Variants in LRRC37A2 observed in about 807,000 individuals in gnomAD.
LRRC37A2 encodes the protein leucine-rich repeat-containing protein 37A2.
LRRC37A2 carries 9 observed loss-of-function variants against 68.8 expected under a neutral mutation model. The ratio of observed to expected loss-of-function variants is 0.13; its 90% CI spans 0.08 to 0.23. LRRC37A2 has a LOEUF of 0.23. Among genes scored for constraint, LRRC37A2 ranks in the 10% least tolerant of loss-of-function variants. The pLI is 1.00. For missense variants in LRRC37A2, 168 were observed against 950.4 expected (o/e 0.18, Z 10.82); for synonymous variants, 63 against 367.6 (o/e 0.17, Z 9.48).
At chr17:46,863,006 T>C in the LRRC37A2 span, among the ~76,000 whole-genome samples, 2 of 152,210 alleles carry the variant, frequency 1.3e-5, no homozygotes, top group Non-Finnish European at 2.9e-5. Context: ...CGGGCCTGGC[T>C]CTCAGACCCC....
At chr17:46,931,752 T>C in the LRRC37A2 span, 17 of 438,924 alleles carry the variant, frequency 3.9e-5, no homozygotes, top group Admixed American at 5.5e-4. Flanking sequence ...AGCCATATAA[T>C]CCATAGAAGG....
At chr17:46,865,356 G>C in the LRRC37A2 span, among the ~76,000 whole-genome samples, 1 of 152,170 alleles carries the variant, frequency 6.6e-6, no homozygotes, top group Non-Finnish European at 1.5e-5. Flanking sequence ...GTGGGGCTGT[G>C]CTTGGAGAGA....
chr17:46,978,305 CA>C, the LRRC37A2 span: 1 of 341,858 alleles, frequency 2.9e-6, no homozygotes, highest in Non-Finnish European at 5.3e-6. Flanking sequence ...AACGTACACA[CA>C]AAACTCCCAC....
chr17:46,802,136 A>T, the LRRC37A2 span, among the ~76,000 whole-genome samples: 1 of 152,220 alleles, frequency 6.6e-6, no homozygotes, highest in Non-Finnish European at 1.5e-5. Context: ...TAAAATCCTT[A>T]GAAACTCCAA....
At chr17:46,722,228 C>A in the LRRC37A2 span, 1 of 1,352,742 alleles carries the variant, frequency 7.4e-7, no homozygotes, top group African/African-American at 1.4e-5. Context: ...CTCGCGAGAG[C>A]ACGTCAAAAT....
the LRRC37A2 span, among the ~76,000 whole-genome samples, chr17:46,735,832 C>T: frequency 6.6e-5 from 10 of 152,166 alleles, no homozygotes; most frequent in African/African-American, 2.2e-4. Context: ...GTAATCCCAG[C>T]GACTCGGGAA....
chr17:47,018,634 A>C, the LRRC37A2 span: 2 of 1,520,532 alleles, frequency 1.3e-6, no homozygotes, highest in Non-Finnish European at 1.8e-6. Flanking sequence ...ACTTCATTTC[A>C]GTCTCCGGAA....
the LRRC37A2 span, chr17:46,935,116 T>G: frequency 2.5e-6 from 4 of 1,613,942 alleles, no homozygotes; most frequent in African/African-American, 1.3e-5. Context: ...TGACCTCATT[T>G]TAGATGGGCA....
chr17:46,830,293 C>T, the LRRC37A2 span, among the ~76,000 whole-genome samples: 5 of 152,188 alleles, frequency 3.3e-5, no homozygotes, highest in African/African-American at 1.2e-4. Flanking sequence ...GCTCTGTCGC[C>T]TGGGCTACAG....
chr17:46,532,021 C>T (rs1473766967), intron 6 of LRRC37A2, among the ~76,000 whole-genome samples: 6 of 149,554 alleles, frequency 4.0e-5, no homozygotes, highest in Non-Finnish European at 8.8e-5. Flanking sequence ...CATTATTTTG[C>T]ACATAGATGT....
the LRRC37A2 span, chr17:46,851,643 G>GC: frequency 1.5e-5 from 19 of 1,275,602 alleles, no homozygotes; most frequent in South Asian, 1.6e-4. This position sits in a 1 kb window ranked among gnomAD's most constrained non-coding sequence, Gnocchi z 4.3. Context: ...AGCACCATGC[G>GC]CCCCCCGCCC....
the LRRC37A2 span, among the ~76,000 whole-genome samples, chr17:46,830,170 C>A: frequency 1.3e-5 from 2 of 152,116 alleles, no homozygotes; most frequent in Non-Finnish European, 2.9e-5. Flanking sequence ...CCCACCCCTA[C>A]CTTTGCCTAC....
the LRRC37A2 span, chr17:46,936,957 G>A: frequency 3.7e-6 from 1 of 273,342 alleles, no homozygotes; most frequent in Non-Finnish European, 5.4e-6. Flanking sequence ...TCATTAATGT[G>A]TATTTATTAA....
At chr17:46,824,681 T>A in the LRRC37A2 span, among the ~76,000 whole-genome samples, 1 of 152,340 alleles carries the variant, frequency 6.6e-6, no homozygotes, top group East Asian at 1.9e-4. Context: ...GATCCAGCAC[T>A]TAGCAGCCCC....
chr17:46,762,024 A>G, the LRRC37A2 span, among the ~76,000 whole-genome samples: 1 of 152,192 alleles, frequency 6.6e-6, no homozygotes. Context: ...ACCTCCCTCT[A>G]CGGCTTAGCT....
the LRRC37A2 span, among the ~76,000 whole-genome samples, chr17:46,836,017 G>A: frequency 1.3e-5 from 2 of 151,916 alleles, no homozygotes; most frequent in South Asian, 4.1e-4. Flanking sequence ...ACACATTCTG[G>A]ATGGGGCCTG....
At chr17:46,770,118 C>A in the LRRC37A2 span, 16 of 1,475,414 alleles carry the variant, frequency 1.1e-5, no homozygotes, top group Non-Finnish European at 1.3e-5. Context: ...CTCCACCTCC[C>A]AGGCCAGGAC....
At chr17:46,936,886 T>C in the LRRC37A2 span, 1 of 955,148 alleles carries the variant, frequency 1.0e-6, no homozygotes, top group Non-Finnish European at 1.2e-6. Context: ...AGAATGTAGA[T>C]TTTGGATTCC....
the LRRC37A2 span, among the ~76,000 whole-genome samples, chr17:47,038,161 CTG>C: frequency 6.6e-6 from 1 of 152,010 alleles, no homozygotes; most frequent in African/African-American, 2.4e-5. Context: ...TAAAAGTTAG[CTG>C]AACATGGTGG....
Sources: gnomAD v4.1 joint callset for allele counts (sites outside exome capture counted in the v4.1 genomes callset) on GRCh38, gnomAD v4.1.1 for gene constraint, Gnocchi (gnomAD v3.1) non-coding constraint, MANE v1.5 for transcripts, NCBI Gene and HGNC (gene_info 2026-07-23, HGNC 2026-07-21) for gene names.